FAM171A1: variants seen among roughly 807,000 people sequenced by gnomAD.
FAM171A1 encodes the protein protein FAM171A1.
FAM171A1 carries 23 observed loss-of-function variants against 74.9 expected under a neutral mutation model. The observed-to-expected ratio is 0.31, with a 90% CI of 0.22 to 0.44. FAM171A1 has a LOEUF of 0.44. Among genes scored for constraint, FAM171A1 ranks in the 20% least tolerant of loss-of-function variants. FAM171A1 has a pLI of 1.00. For missense variants in FAM171A1, 1,162 were observed against 1,159.2 expected (o/e 1.00, Z -0.03); for synonymous variants, 527 against 505.7 (o/e 1.04, Z -0.57).
chr10:15,243,942 A>G (rs996382787), intron 5 of FAM171A1, among the ~76,000 whole-genome samples: 8 of 152,124 alleles, frequency 5.3e-5, no homozygotes, highest in East Asian at 3.9e-4. Context: ...AGTAGAGACG[A>G]GGTTTCACCG....
chr10:15,217,186 T>C (rs1377643485), intron 6 of FAM171A1, among the ~76,000 whole-genome samples: 1 of 152,214 alleles, frequency 6.6e-6, no homozygotes, highest in Non-Finnish European at 1.5e-5. Flanking sequence ...TTATGTTCCG[T>C]AGTAGTACAA....
At chr10:15,356,820 A>G (rs1014621975) in intron 1 of FAM171A1, among the ~76,000 whole-genome samples, 3 of 151,812 alleles carry the variant, frequency 2.0e-5, no homozygotes, top group Admixed American at 6.6e-5. Flanking sequence ...AAAATACAAA[A>G]ATTGGCCAGG....
At chr10:15,301,242 G>A (rs1019943572) in intron 1 of FAM171A1, among the ~76,000 whole-genome samples, 4 of 152,098 alleles carry the variant, frequency 2.6e-5, no homozygotes, top group East Asian at 1.9e-4. Flanking sequence ...GCGCGATCTC[G>A]GCTCACTACA....
intron 1 of FAM171A1, among the ~76,000 whole-genome samples, chr10:15,361,970 A>C (rs1409285283): frequency 6.6e-6 from 1 of 152,318 alleles, no homozygotes; most frequent in East Asian, 1.9e-4. Context: ...AAATTATAAA[A>C]CAATCTCTGG....
intron 1 of FAM171A1, among the ~76,000 whole-genome samples, chr10:15,298,000 C>A (rs1383268889): frequency 6.6e-6 from 1 of 152,212 alleles, no homozygotes; most frequent in African/African-American, 2.4e-5. Flanking sequence ...CTTACACATA[C>A]AACCAAGTGT....
Position 15,254,849 on chromosome 10 carries a change from T to C in FAM171A1, c.449A>G (p.Gln150Arg). The change falls in exon 4 of 8, where the codon CAG becomes CGG. Residue 150 changes from glutamine to arginine, a missense_variant. By Grantham distance (43) the Gln-to-Arg change is conservative. Transcript: ENST00000378116. ...CTCAGGCAACCTCAGAGCCCTTCTCTGGAAATGAACGCGAGGCTGTGGCCG... is the reference window on the plus strand; with the variant it reads ...CTCAGGCAACCTCAGAGCCCTTCTCCGGAAATGAACGCGAGGCTGTGGCCG... Reference protein sequence around the residue: ...GARPQPRVHFQRRALRLPENT... With the variant: ...GARPQPRVHFRRRALRLPENT... 1.2e-6 allele frequency: 2 copies of C among 1,614,074 alleles called. No homozygotes were observed. The highest frequency in any genetic ancestry group is 1.7e-6 in the Non-Finnish European group (2 of 1,179,910).
intron 5 of FAM171A1, among the ~76,000 whole-genome samples, chr10:15,221,299 C>T (rs1391349550): frequency 1.3e-5 from 2 of 152,196 alleles, no homozygotes; most frequent in Non-Finnish European, 2.9e-5. Flanking sequence ...AATTAAATTA[C>T]TTTCAGCCAC....
At chr10:15,231,522 G>A (rs1834205316) in intron 5 of FAM171A1, among the ~76,000 whole-genome samples, 3 of 152,084 alleles carry the variant, frequency 2.0e-5, no homozygotes, top group South Asian at 4.2e-4. Context: ...CGGTTCTAAC[G>A]AGCTCCGGGT....
At chr10:15,262,089 C>T (rs1834665091) in intron 3 of FAM171A1, among the ~76,000 whole-genome samples, 1 of 152,188 alleles carries the variant, frequency 6.6e-6, no homozygotes, top group South Asian at 2.1e-4. Context: ...CACTCCAGTC[C>T]ATGCAACAGA....
chr10:15,338,897 C>T (rs571518092), intron 1 of FAM171A1, among the ~76,000 whole-genome samples: 3 of 152,144 alleles, frequency 2.0e-5, no homozygotes, highest in East Asian at 1.9e-4. Context: ...TGCGCCACCA[C>T]GCCTAGCTAA....
At chr10:15,220,906 A>G in intron 6 of FAM171A1, 38 bp downstream of exon 6, 1 of 1,505,362 alleles carries the variant, frequency 6.6e-7, no homozygotes, top group Non-Finnish European at 9.2e-7. Flanking sequence ...GACCAAAGCA[A>G]CTGATCCGCA....
At chr10:15,240,271 G>A (rs144856645) in intron 5 of FAM171A1, among the ~76,000 whole-genome samples, 2,877 of 152,222 alleles carry the variant, frequency 0.019, 105 homozygotes, top group African/African-American at 0.065. Context: ...TGAGGCCAGA[G>A]AATCACTTGA....
intron 1 of FAM171A1, among the ~76,000 whole-genome samples, chr10:15,325,024 G>A (rs1247905696): frequency 1.3e-5 from 2 of 152,358 alleles, no homozygotes; most frequent in South Asian, 2.1e-4. Flanking sequence ...CATCACGTGT[G>A]TCTAATGATA....
At chr10:15,307,646 C>CAA (rs560861841) in intron 1 of FAM171A1, among the ~76,000 whole-genome samples, 16,381 of 92,638 alleles carry the variant, frequency 0.18, 1,863 homozygotes, top group Non-Finnish European at 0.22. Flanking sequence ...AACTCCATTT[C>CAA]AAAAAAAAAA....
chr10:15,334,209 C>T (rs1445299320), intron 1 of FAM171A1, among the ~76,000 whole-genome samples: 1 of 152,230 alleles, frequency 6.6e-6, no homozygotes, highest in African/African-American at 2.4e-5. Context: ...CTCTAGCCCC[C>T]ATTCCCCTTT....
At position 15,254,723 on chromosome 10, in the gene FAM171A1, G is replaced by A; in HGVS notation, c.575C>T (p.Thr192Ile). ...AAAAGAGAAAAGACTCCAATTACCT[G>A]TTCCATTTCCGTCTAATCCTCGCAA... is the stretch of plus-strand genomic sequence containing the variant. ...PYLRGLDGNG[T>I]GNSTRHDLTP... The change falls in exon 4 of 8, where the codon ACA (threonine) becomes ATA (isoleucine). Residue 192 changes from threonine (T) to isoleucine (I), a missense_variant and splice_region_variant. Transcript: ENST00000378116. 1 of 1,613,890 alleles carries A rather than the reference G, an allele frequency of 6.2e-7. No homozygotes were observed. The highest frequency in any genetic ancestry group is 8.5e-7 in the Non-Finnish European group (1 of 1,179,854).
At chr10:15,332,092 A>C (rs1835646066) in intron 1 of FAM171A1, among the ~76,000 whole-genome samples, 1 of 151,506 alleles carries the variant, frequency 6.6e-6, no homozygotes, top group Non-Finnish European at 1.5e-5. Flanking sequence ...AGCTGGGATT[A>C]CAGGTGGGCA....
intron 1 of FAM171A1, among the ~76,000 whole-genome samples, chr10:15,299,489 TTTTTTTTG>T (rs1430906989): frequency 7.8e-6 from 1 of 127,812 alleles, no homozygotes; most frequent in Admixed American, 8.7e-5. Flanking sequence ...TTTGTTTTTG[TTTTTTTTG>T]TTTTTTTGTC....
Position 15,213,042 on chromosome 10 carries a change from C to T in FAM171A1, c.2546G>A (p.Ser849Asn), listed in dbSNP as rs376295413. The change falls in exon 8 of 8, where the codon AGC becomes AAC. Residue 849 changes from serine (S) to asparagine (N), a missense_variant. Ser to Asn is a conservative substitution (Grantham distance 46). Transcript: ENST00000378116. This position sits in a 1 kb window ranked among gnomAD's most constrained non-coding sequence, Gnocchi z 6.8. ...TADAPSEPAA[S>N]PHQRRSAHEE... ...GTGGGCAGATCTTCTCTGGTGGGGGCTGGCTGCTGGCTCCGAGGGGGCATC... is the reference window on the plus strand; with the variant it reads ...GTGGGCAGATCTTCTCTGGTGGGGGTTGGCTGCTGGCTCCGAGGGGGCATC... 3.7e-6 allele frequency: 6 copies of T among 1,613,826 alleles called. No individual in the cohort carries two copies. The highest frequency in any genetic ancestry group is 5.1e-6 in the Non-Finnish European group (6 of 1,179,980).
Sources: allele counts gnomAD v4.1 joint callset (sites outside exome capture counted in the v4.1 genomes callset), GRCh38; gene constraint gnomAD v4.1.1; non-coding constraint Gnocchi (gnomAD v3.1); transcripts MANE v1.5; gene names NCBI Gene and HGNC (gene_info 2026-07-23, HGNC 2026-07-21).